The following LUC7L3 variants were observed in gnomAD, a reference collection of about 807,000 sequenced individuals.
LUC7L3 encodes luc7-like protein 3.
LUC7L3 carries 6 observed loss-of-function variants against 66.8 expected under a neutral mutation model. The ratio of observed to expected loss-of-function variants is 0.09; its 90% CI spans 0.05 to 0.18. The LOEUF (loss-of-function observed/expected upper bound fraction) is 0.18. Among genes scored for constraint, LUC7L3 ranks in the 10% least tolerant of loss-of-function variants. The probability of loss-of-function intolerance (pLI) is 1.00; values close to 1 mark genes in which losing one functional copy is unlikely to be tolerated. For synonymous variants in LUC7L3, 160 were observed against 174.7 expected (o/e 0.92, Z 0.66); for missense variants, 341 against 531.1 (o/e 0.64, Z 3.52).
At chr17:50,721,671 A>G (rs1968776384) in intron 1 of LUC7L3, among the ~76,000 whole-genome samples, 1 of 152,228 alleles carries the variant, frequency 6.6e-6, no homozygotes, top group South Asian at 2.1e-4. Context: ...GAATTATTGT[A>G]TAATGAAGCT....
chr17:50,736,922 C>A, intron 1 of LUC7L3, 38 bp from the exon 2 acceptor site: 1 of 1,386,454 alleles, frequency 7.2e-7, no homozygotes, highest in Non-Finnish European at 1.0e-6. Context: ...GTTTTAAAAC[C>A]AAGCAATTTT....
chr17:50,738,194 C>G, intron 2 of LUC7L3: 1 of 452,046 alleles, frequency 2.2e-6, no homozygotes, highest in African/African-American at 2.0e-5. Flanking sequence ...GAAGTGATCT[C>G]TGCAGGTACT....
At chr17:50,733,084 C>T (rs1555608078) in intron 1 of LUC7L3, among the ~76,000 whole-genome samples, 1 of 152,060 alleles carries the variant, frequency 6.6e-6, no homozygotes, top group Non-Finnish European at 1.5e-5. Flanking sequence ...ACTTACGAAA[C>T]ACTTAAATTG....
At chr17:50,733,404 T>TG (rs59035368) in intron 1 of LUC7L3, among the ~76,000 whole-genome samples, 31 of 116,754 alleles carry the variant, frequency 2.7e-4, no homozygotes, top group African/African-American at 3.3e-4. Context: ...GCTAGTTTTT[T>TG]TTTTTTTTTT....
chr17:50,740,010 A>G (rs989719314), intron 2 of LUC7L3, among the ~76,000 whole-genome samples: 1 of 152,160 alleles, frequency 6.6e-6, no homozygotes, highest in African/African-American at 2.4e-5. Context: ...TTTAGTGGCA[A>G]TAAGGAACAG....
chr17:50,740,824 T>G (rs1970303640), intron 3 of LUC7L3, among the ~76,000 whole-genome samples: 1 of 152,210 alleles, frequency 6.6e-6, no homozygotes, highest in Non-Finnish European at 1.5e-5. Flanking sequence ...CCTCCCAAAG[T>G]GCTGGGATTA....
intron 1 of LUC7L3, among the ~76,000 whole-genome samples, chr17:50,731,199 C>A (rs80236869): frequency 0.078 from 11,815 of 152,218 alleles, 450 homozygotes; most frequent in Non-Finnish European, 0.082. Context: ...GAGACAGTCT[C>A]TCTCTGTCAT....
chr17:50,726,174 TTTG>T lies in LUC7L3; in HGVS notation c.99+6355_99+6357del, dbSNP rs199773183. ...ACCGTATAAACTTGTTGTTTTGCTT[TTTG>T]TTGTTGTTGTTTTTGAGACAGTCTT... On this transcript the variant is annotated intron_variant, in intron 1 of 9. Coordinates refer to ENST00000505658, the MANE Select transcript of LUC7L3 (RefSeq NM_016424.5). Among the ~76,000 whole-genome samples the T allele has an allele frequency of 6.2e-3, 950 of 152,200 alleles. 3 individuals carry two copies. Among genetic ancestry groups the T allele is most frequent in the South Asian group, 0.012 (57 of 4,826 alleles).
chr17:50,751,855 G>A lies in LUC7L3; in HGVS notation c.*1194G>A. ...TTTTTAAAGAAATATTAAAAGTTAG[G>A]TACTGTAAGTGTTCTTAAAACCTGT... On this transcript the variant is annotated 3_prime_UTR_variant, in exon 10 of 10. Transcript: ENST00000505658. 2.0e-6 allele frequency: 2 copies of A among 1,011,996 alleles called. No individual in the cohort carries two copies. Among genetic ancestry groups the A allele is most frequent in the Non-Finnish European group, 2.4e-6 (2 of 845,860 alleles). 62.7% of individuals were successfully genotyped at this position (1,011,996 alleles called of 1,614,324 possible).
Position 50,752,817 on chromosome 17 carries a change from T to C in LUC7L3, c.*2156T>C, listed in dbSNP as rs1971035883. Reference sequence around the variant, plus strand: ...AGACTAATTTTTATAGACTTTCTAATGTTTTAAATAATGGTGCTTCAATTT... The same window carrying C: ...AGACTAATTTTTATAGACTTTCTAACGTTTTAAATAATGGTGCTTCAATTT... On this transcript the variant is annotated 3_prime_UTR_variant, in exon 10 of 10. Transcript: ENST00000505658. 1 of 152,238 alleles carries C rather than the reference T, an allele frequency of 6.6e-6. No homozygotes were observed. The highest frequency in any genetic ancestry group is 2.4e-5 in the African/African-American group (1 of 41,472). The allele number at this position is 152,238 out of a possible 1,614,324, so 9.4% of individuals were successfully genotyped here.
intron 1 of LUC7L3, among the ~76,000 whole-genome samples, chr17:50,733,306 A>G (rs1969750443): frequency 6.7e-6 from 1 of 149,582 alleles, no homozygotes; most frequent in Non-Finnish European, 1.5e-5. Flanking sequence ...ATCTCTGCTC[A>G]CTGCAAGCTC....
chr17:50,723,127 G>T (rs900372287), intron 1 of LUC7L3: 1 of 152,120 alleles, frequency 6.6e-6, no homozygotes, highest in Non-Finnish European at 1.5e-5. Flanking sequence ...AAGTCTGATC[G>T]GGAGTTTTGT....
chr17:50,752,311 T>A lies in LUC7L3; in HGVS notation c.*1650T>A. The A allele has an allele frequency of 1.1e-6, 1 of 944,706 alleles. No individual in the cohort carries two copies. The highest frequency in any genetic ancestry group is 1.4e-6 in the Non-Finnish European group (1 of 710,900). The allele number at this position is 944,706 out of a possible 1,614,324, so 58.5% of individuals were successfully genotyped here. A position where few individuals can be genotyped will look rare whatever the true frequency, so the allele number is the denominator to read the frequency against. On this transcript the variant is annotated 3_prime_UTR_variant, in exon 10 of 10. Coordinates refer to ENST00000505658, the MANE Select transcript of LUC7L3 (RefSeq NM_016424.5). ...TAGTGGCATAGAAAAAGTATAAAGC[T>A]CAGTTAGTTTTTTTATTATTATTAT...
chr17:50,719,882 C>T (rs1046502013), intron 1 of LUC7L3, 51 bp downstream of exon 1: 107 of 1,526,966 alleles, frequency 7.0e-5, no homozygotes, highest in Non-Finnish European at 9.1e-5. Context: ...GGGAGGGGAG[C>T]GGGCGCGGGC....
intron 1 of LUC7L3, among the ~76,000 whole-genome samples, chr17:50,728,190 G>T (rs1051457458): frequency 6.6e-6 from 1 of 152,132 alleles, no homozygotes; most frequent in East Asian, 1.9e-4. Flanking sequence ...AATAACTGAA[G>T]GCTTCTAAGC....
intron 3 of LUC7L3, 37 bp from the exon 4 acceptor site, chr17:50,741,064 AT>A: frequency 1.2e-6 from 2 of 1,608,642 alleles, no homozygotes; most frequent in Non-Finnish European, 1.7e-6. Flanking sequence ...ATGGCTGAAG[AT>A]TTGGAAATGA....
At chr17:50,743,249 A>G (rs1379172094) in intron 5 of LUC7L3, among the ~76,000 whole-genome samples, 2 of 151,328 alleles carry the variant, frequency 1.3e-5, no homozygotes, top group Non-Finnish European at 2.9e-5. Context: ...TCCAGGCTGG[A>G]GTGCAGTGGC....
chr17:50,730,529 A>G (rs1469810465), intron 1 of LUC7L3, among the ~76,000 whole-genome samples: 7 of 150,818 alleles, frequency 4.6e-5, no homozygotes, highest in Non-Finnish European at 7.4e-5. Flanking sequence ...AAAAAAAAAA[A>G]AAAAAAAAAG....
Position 50,749,257 on chromosome 17 carries a change from T to C in LUC7L3, c.1139-1244T>C, listed in dbSNP as rs1327274106. On this transcript the variant is annotated intron_variant, in intron 9 of 9. Transcript: ENST00000505658. Reference sequence around the variant, plus strand: ...ATTATTGGACTGACTACTAGTCCTCTACGGGACAACAAGACGACTCTTCCT... The same window carrying C: ...ATTATTGGACTGACTACTAGTCCTCCACGGGACAACAAGACGACTCTTCCT... The C allele has an allele frequency of 2.3e-6, 3 of 1,289,184 alleles. No homozygotes were observed. The East Asian group carries it at 1.7e-4, about 71-fold the overall frequency. The allele number at this position is 1,289,184 out of a possible 1,614,324, so 79.9% of individuals were successfully genotyped here. A position where few individuals can be genotyped will look rare whatever the true frequency, so the allele number is the denominator to read the frequency against.
Sources: gnomAD v4.1 joint callset for allele counts (sites outside exome capture counted in the v4.1 genomes callset) on GRCh38, gnomAD v4.1.1 for gene constraint, MANE v1.5 for transcripts, NCBI Gene and HGNC (gene_info 2026-07-23, HGNC 2026-07-21) for gene names.